The following SIK3 variants were observed in gnomAD, a reference collection of about 807,000 sequenced individuals.
The protein encoded by SIK3 is serine/threonine-protein kinase SIK3.
In SIK3, 28 loss-of-function variants were observed where a neutral mutation model predicts 144.2. The ratio of observed to expected loss-of-function variants is 0.19; its 90% CI spans 0.14 to 0.27. The LOEUF (loss-of-function observed/expected upper bound fraction) is 0.27. Among genes scored for constraint, SIK3 ranks in the 10% least tolerant of loss-of-function variants. SIK3 has a pLI of 1.00. For missense variants in SIK3, 1,319 were observed against 1,776.0 expected (o/e 0.74, Z 4.62); for synonymous variants, 686 against 676.3 (o/e 1.01, Z -0.22).
At chr11:116,955,775 G>A (rs986679383) in intron 2 of SIK3, among the ~76,000 whole-genome samples, 13 of 152,258 alleles carry the variant, frequency 8.5e-5, no homozygotes, top group Admixed American at 4.6e-4. Flanking sequence ...CAGAAGGTAG[G>A]CGTTGTTCAA....
At chr11:116,953,440 G>A (rs749479293) in intron 3 of SIK3, among the ~76,000 whole-genome samples, 2 of 152,114 alleles carry the variant, frequency 1.3e-5, no homozygotes, top group Non-Finnish European at 2.9e-5. Flanking sequence ...CGTTTTGTCA[G>A]TTTTTAGCAT....
chr11:116,966,315 A>C (rs1456224119), intron 1 of SIK3, among the ~76,000 whole-genome samples: 1 of 152,182 alleles, frequency 6.6e-6, no homozygotes, highest in East Asian at 1.9e-4. Flanking sequence ...AGATCATTTG[A>C]GTCCAAGAGC....
rs1180127256 is a variant in SIK3, at chr11:116,938,622, G to GGAGGA, written c.455-11247_455-11243dup. ...GGAGGAGAGGAGAGGAGAGGGGAGG[G>GGAGGA]GAGGAGAGGAGAGGAGAGGAGAGGA... On this transcript the variant is annotated intron_variant, in intron 3 of 24. Transcript: ENST00000445177. Among the ~76,000 whole-genome samples the GGAGGA allele has an allele frequency of 6.3e-3, 218 of 34,398 alleles. 3 individuals are homozygous for GGAGGA. The highest frequency in any genetic ancestry group is 0.029 in the African/African-American group (116 of 4,070). 22.6% of individuals were successfully genotyped at this position (34,398 alleles called of 152,430 possible). A position where few individuals can be genotyped will look rare whatever the true frequency, so the allele number is the denominator to read the frequency against.
intron 4 of SIK3, among the ~76,000 whole-genome samples, chr11:116,916,835 T>C (rs1946670363): frequency 6.6e-6 from 1 of 151,148 alleles, no homozygotes; most frequent in African/African-American, 2.4e-5. Context: ...TCAGGCACAG[T>C]GTCTCATGCC....
chr11:116,873,737 A>C, intron 12 of SIK3, 101 bp from the exon 13 acceptor site: 1 of 1,480,314 alleles, frequency 6.8e-7, no homozygotes. Context: ...GCCATGGGTC[A>C]TGACAGAGAC....
At chr11:116,906,850 A>G (rs1946068364) in intron 4 of SIK3, among the ~76,000 whole-genome samples, 2 of 152,258 alleles carry the variant, frequency 1.3e-5, no homozygotes, top group Admixed American at 1.3e-4. Context: ...CTGTGAATAA[A>G]ATTAGGCATT....
At position 116,956,996 on chromosome 11, in the gene SIK3, A is replaced by C. The variant is rs1307813879; in HGVS notation, c.342T>G (p.Val114=). The C allele has an allele frequency of 6.2e-7, 1 of 1,611,138 alleles. No individual in the cohort carries two copies. The highest frequency in any genetic ancestry group is 1.7e-4 in the Middle Eastern group (1 of 6,050). Reference sequence around the variant, plus strand: ...GGTGGCAAAGCATCTTCATAATTTGAACTTCCCGGAAAATCTTCTTCAAGT... The same window carrying C: ...GGTGGCAAAGCATCTTCATAATTTGCACTTCCCGGAAAATCTTCTTCAAGT... The part of the protein sequence containing the change: ...EENLKKIFRE[V]QIMKMLCHPH... The change falls in exon 2 of 25, where the codon GTT becomes GTG. Residue 114 remains valine (V), a synonymous_variant. Transcript: ENST00000445177.
chr11:116,930,887 T>C (rs776580175), intron 3 of SIK3, among the ~76,000 whole-genome samples: 4 of 152,018 alleles, frequency 2.6e-5, no homozygotes, highest in Non-Finnish European at 5.9e-5. Context: ...GTTGCCATTA[T>C]AGGTCTGGGA....
Position 116,863,795 on chromosome 11 carries a change from G to C in SIK3, c.1976C>G (p.Thr659Ser). Reference sequence around the variant, plus strand: ...GAAACGCTCCGTAGGGAGGTGCAGAGTGTTGGAGTCCTTGTAGGTAGAGCT... The same window carrying C: ...GAAACGCTCCGTAGGGAGGTGCAGACTGTTGGAGTCCTTGTAGGTAGAGCT... ...QHRSTYKDSNTLHLPTERFSP... is the reference protein window; with the variant it reads ...QHRSTYKDSNSLHLPTERFSP... Residue 659 changes from threonine (T) to serine (S), a missense_variant, in exon 16 of 25, where the codon ACT (threonine) becomes AGT (serine). Transcript: ENST00000445177. 6.2e-7 allele frequency: 1 copy of C among 1,613,548 alleles called. No homozygotes were observed. The highest frequency in any genetic ancestry group is 2.2e-5 in the East Asian group (1 of 44,866).
intron 1 of SIK3, among the ~76,000 whole-genome samples, chr11:117,015,720 C>T (rs933865835): frequency 2.0e-5 from 3 of 152,092 alleles, no homozygotes; most frequent in Admixed American, 6.5e-5. Flanking sequence ...CAGGCATGTG[C>T]CACCATGCCC....
intron 1 of SIK3, among the ~76,000 whole-genome samples, chr11:117,018,514 T>A (rs773605889): frequency 6.6e-6 from 1 of 151,970 alleles, no homozygotes; most frequent in African/African-American, 2.4e-5. Flanking sequence ...ATCTAAATCA[T>A]CTTCATGAGA....
At chr11:116,909,810 T>C (rs1205617870) in intron 4 of SIK3, among the ~76,000 whole-genome samples, 2 of 152,208 alleles carry the variant, frequency 1.3e-5, no homozygotes, top group African/African-American at 2.4e-5. Flanking sequence ...AAAAGAGCGA[T>C]ACAGTTTGAA....
rs1591296932 is a variant in SIK3 at position 116,909,415 on chromosome 11, G to A, written c.617-12098C>T. The stretch of plus-strand genomic sequence containing the variant: ...CTTGGGGGAAGGATATGGTTGTGAT[G>A]AGGTGTACAGCCTGGCTGATGAAAT... On this transcript the variant is annotated intron_variant, in intron 4 of 24. Transcript: ENST00000445177. 3.3e-5 allele frequency among the ~76,000 whole-genome samples: 5 copies of A among 152,190 alleles called. No individual in the cohort carries two copies. The South Asian group carries it at 1.0e-3, about 32-fold the overall frequency.
At chr11:116,930,692 C>G (rs1462529343) in intron 3 of SIK3, among the ~76,000 whole-genome samples, 1 of 152,170 alleles carries the variant, frequency 6.6e-6, no homozygotes, top group South Asian at 2.1e-4. Flanking sequence ...CTCCTAAATA[C>G]TGAGACACAA....
At chr11:117,049,563 G>C (rs1259122646) in intron 1 of SIK3, among the ~76,000 whole-genome samples, 2 of 151,818 alleles carry the variant, frequency 1.3e-5, no homozygotes, top group African/African-American at 2.4e-5. Flanking sequence ...AGGTGACACA[G>C]CAAGGCTCCA....
At chr11:117,089,597 G>A (rs10892072) in intron 1 of SIK3, among the ~76,000 whole-genome samples, 69,293 of 151,904 alleles carry the variant, frequency 0.46, 19,159 homozygotes, top group Non-Finnish European at 0.64. Flanking sequence ...AAAAAATTCC[G>A]TCTCAAGAAA....
intron 1 of SIK3, among the ~76,000 whole-genome samples, chr11:116,962,445 A>G (rs1949383328): frequency 6.6e-6 from 1 of 152,240 alleles, no homozygotes; most frequent in Admixed American, 6.5e-5. Context: ...CAGTTTGAAG[A>G]AAAGCTTATT....
At chr11:117,036,680 T>G in intron 1 of SIK3, among the ~76,000 whole-genome samples, 1 of 152,246 alleles carries the variant, frequency 6.6e-6, no homozygotes, top group East Asian at 1.9e-4. Flanking sequence ...CTTCCAGAAC[T>G]GCTACATGTC....
chr11:117,023,609 CAA>C (rs71469123), intron 1 of SIK3, among the ~76,000 whole-genome samples: 836 of 51,976 alleles, frequency 0.016, 24 homozygotes, highest in South Asian at 0.095. Context: ...AACAAACAAA[CAA>C]AAAAAAAAAA....
Sources: allele counts gnomAD v4.1 joint callset (sites outside exome capture counted in the v4.1 genomes callset), GRCh38; gene constraint gnomAD v4.1.1; transcripts MANE v1.5; gene names NCBI Gene and HGNC (gene_info 2026-07-23, HGNC 2026-07-21).